The following ANKRD24 variants were observed in gnomAD, a reference collection of about 807,000 sequenced individuals.
ANKRD24 encodes the protein ankyrin repeat domain 24, also known as ankyrin repeat domain-containing protein 24.
ANKRD24 carries 109 observed loss-of-function variants against 127.8 expected under a neutral mutation model. The ratio of observed to expected loss-of-function variants is 0.85; its 90% CI spans 0.73 to 1.00. The LOEUF (loss-of-function observed/expected upper bound fraction) is 1.00. ANKRD24 is among the 50% of genes least tolerant of loss of function. The probability of loss-of-function intolerance (pLI) is 0.00; values close to 1 mark genes in which losing one functional copy is unlikely to be tolerated. For synonymous variants in ANKRD24, 743 were observed against 671.1 expected, an observed-to-expected ratio of 1.11 and a Z score of -1.66; for missense variants, 1,648 against 1,570.2, an observed-to-expected ratio of 1.05 and a Z score of -0.84.
chr19:4,210,405 A>C, intron 13 of ANKRD24, 33 bp downstream of exon 13: 1 of 1,364,628 alleles, frequency 7.3e-7, no homozygotes, highest in Non-Finnish European at 9.5e-7. Flanking sequence ...GGCGTGGGCC[A>C]GCCTGGGTGG....
At chr19:4,206,683 C>A (rs1427916922) in intron 7 of ANKRD24, among the ~76,000 whole-genome samples, 1 of 152,024 alleles carries the variant, frequency 6.6e-6, no homozygotes, top group East Asian at 1.9e-4. Context: ...AGACCTAGAT[C>A]CTAGATCTGA....
chr19:4,210,461 C>T lies in ANKRD24; in HGVS notation c.1059+89C>T, dbSNP rs770555944. On this transcript the variant is annotated intron_variant, in intron 13 of 21. Transcript: ENST00000318934. Reference sequence around the variant, plus strand: ...TCCCCCTACTTTTCTCCCACCTTCCCTCCTCCATCTCTCTCCCTCCCCACC... The same window carrying T: ...TCCCCCTACTTTTCTCCCACCTTCCTTCCTCCATCTCTCTCCCTCCCCACC... 4.2e-4 allele frequency: 494 copies of T among 1,187,078 alleles called. 1 individual carries two copies. Among genetic ancestry groups the T allele is most frequent in the Admixed American group, 4.0e-3 (147 of 36,950 alleles). 73.5% of individuals were successfully genotyped at this position (1,187,078 alleles called of 1,614,324 possible).
intron 11 of ANKRD24, chr19:4,209,019 C>A: frequency 3.3e-6 from 1 of 306,614 alleles, no homozygotes; most frequent in Non-Finnish European, 6.3e-6. Context: ...AATTATGGGG[C>A]TGGGGTGGGA....
chr19:4,213,376 T>C (rs565002226), intron 15 of ANKRD24, among the ~76,000 whole-genome samples: 11 of 145,814 alleles, frequency 7.5e-5, no homozygotes, highest in Admixed American at 1.4e-4. Context: ...TTTCTTCCTT[T>C]CCTTCTTCCT....
chr19:4,214,709 C>A (rs1471609657), intron 15 of ANKRD24, among the ~76,000 whole-genome samples: 1 of 152,030 alleles, frequency 6.6e-6, no homozygotes, highest in East Asian at 1.9e-4. Flanking sequence ...CAAAAATTAG[C>A]CGGGTGTGCT....
rs1425515976 is a variant in ANKRD24 at position 4,198,333 on chromosome 19, G to C, written c.37-1350G>C. The C allele has an allele frequency of 5.4e-6, 2 of 370,200 alleles. No homozygotes were observed. The highest frequency in any genetic ancestry group is 8.5e-5 in the East Asian group (2 of 23,608). The allele number at this position is 370,200 out of a possible 1,614,324, so 22.9% of individuals were successfully genotyped here. The stretch of plus-strand genomic sequence containing the variant: ...TGGCGAGGAGGGCAAGGGGGAGGGG[G>C]CGGCACCAGGGAGGGCGGGACCGGG... On this transcript the variant is annotated intron_variant, in intron 2 of 21. Transcript: ENST00000318934. The surrounding 1 kb of genome is among the most constrained non-coding windows in gnomAD (Gnocchi z 6.1).
rs1221022361 is a variant in ANKRD24, at chr19:4,219,548, G to T, written c.3004-43G>T. The T allele has an allele frequency of 3.9e-6, 6 of 1,556,894 alleles. No individual in the cohort carries two copies. In the African/African-American group the frequency reaches 8.2e-5, roughly 21 times the overall value. On this transcript the variant is annotated intron_variant, in intron 18 of 21. Transcript: ENST00000318934. ...TGAATTCTGGGGTCTAGCATCATTG[G>T]AGTCTTAGTGTCCTGAGAGTCATGC...
chr19:4,216,927 T>C lies in ANKRD24; in HGVS notation c.1767T>C (p.Ala589=), dbSNP rs61742134. 1.6e-4 allele frequency: 251 copies of C among 1,609,470 alleles called. No individual in the cohort carries two copies. The African/African-American group carries it at 2.4e-3, about 15-fold the overall frequency. ...AEATGAEATG[A]EATGAKVTET... ...CCACGGGAGCCGAGGCCACGGGAGC[T>C]GAGGCCACAGGAGCCAAGGTCACAG... The change falls in exon 18 of 22, where the codon GCT becomes GCC. Residue 589 remains alanine (A), a synonymous_variant. Coordinates refer to ENST00000318934, the MANE Select transcript of ANKRD24 (RefSeq NM_001393985.1).
In ANKRD24 at chr19:4,198,464, G is replaced by GCACC. The variant is rs1968894620; in HGVS notation, c.37-1218_37-1217insACCC. The GCACC allele has an allele frequency of 4.9e-6, 3 of 615,974 alleles. No individual in the cohort carries two copies. Among genetic ancestry groups the GCACC allele is most frequent in the Non-Finnish European group, 8.8e-6 (3 of 342,584 alleles). The allele number at this position is 615,974 out of a possible 1,614,324, so 38.2% of individuals were successfully genotyped here. On this transcript the variant is annotated intron_variant, in intron 2 of 21. Coordinates refer to ENST00000318934, the MANE Select transcript of ANKRD24 (RefSeq NM_001393985.1). This position sits in a 1 kb window ranked among gnomAD's most constrained non-coding sequence, Gnocchi z 6.1. ...CCGCCGCCTCCTCTTGGAACCCCGT[G>GCACC]CGCCCCCCGCGCCCCGCGCCCCGGA... is the stretch of plus-strand genomic sequence containing the variant.
At position 4,200,235 on chromosome 19, in the gene ANKRD24, C is replaced by A. The variant is rs373097214; in HGVS notation, c.343+64C>A. ...AGCCCAGGTGCCCAGCCTGAGGGTC[C>A]AGCCAGACCCTGCTCCCAGGTCTCA... On this transcript the variant is annotated intron_variant, in intron 5 of 21. Transcript: ENST00000318934. 13 of 1,463,810 alleles carry A rather than the reference C, an allele frequency of 8.9e-6. No individual in the cohort carries two copies. In the African/African-American group the frequency reaches 1.8e-4, roughly 21 times the overall value. 90.7% of individuals were successfully genotyped at this position (1,463,810 alleles called of 1,614,324 possible).
rs1334446847 is a variant in ANKRD24 at position 4,217,542 on chromosome 19, C to T, written c.2382C>T (p.Ala794=). 4 of 1,326,868 alleles carry T rather than the reference C, an allele frequency of 3.0e-6. No homozygotes were observed. Among genetic ancestry groups the T allele is most frequent in the Non-Finnish European group, 3.8e-6 (4 of 1,043,292 alleles). 82.2% of individuals were successfully genotyped at this position (1,326,868 alleles called of 1,614,324 possible). A position where few individuals can be genotyped will look rare whatever the true frequency, so the allele number is the denominator to read the frequency against. The part of the protein sequence containing the change: ...TTQLRAALEQ[A]REDLRDRDSR... ...AGCTGCGGGCGGCCCTGGAGCAGGC[C>T]CGGGAGGACCTCCGAGACCGGGACT... Residue 794 remains alanine, a synonymous_variant, in exon 18 of 22, where the codon GCC becomes GCT. Transcript: ENST00000318934.
At chr19:4,187,247 T>C (rs1968115235) in intron 2 of ANKRD24, among the ~76,000 whole-genome samples, 1 of 151,988 alleles carries the variant, frequency 6.6e-6, no homozygotes, top group Admixed American at 6.6e-5. Flanking sequence ...ACGTTGTCTC[T>C]ACTAAAAATA....
intron 2 of ANKRD24, among the ~76,000 whole-genome samples, chr19:4,196,407 G>A (rs900684107): frequency 2.2e-4 from 33 of 151,904 alleles, no homozygotes; most frequent in South Asian, 1.5e-3. Flanking sequence ...GTGGAGTCTC[G>A]CTCTGTCACC....
At position 4,216,663 on chromosome 19, in the gene ANKRD24, G is replaced by A; in HGVS notation, c.1503G>A (p.Arg501=). The change falls in exon 18 of 22, where the codon AGG becomes AGA. Residue 501 remains arginine, a synonymous_variant. Coordinates refer to ENST00000318934, the MANE Select transcript of ANKRD24 (RefSeq NM_001393985.1). ...GGGCCGAGTTTGACCAGCTACGCAGGCAGCACGCTGAGGCCCTGCAGGCCC... is the reference window on the plus strand; with the variant it reads ...GGGCCGAGTTTGACCAGCTACGCAGACAGCACGCTGAGGCCCTGCAGGCCC... The part of the protein sequence containing the change: ...SLRAEFDQLR[R]QHAEALQALR... The A allele has an allele frequency of 6.3e-7, 1 of 1,598,618 alleles. No individual in the cohort carries two copies. Among genetic ancestry groups the A allele is most frequent in the Non-Finnish European group, 8.5e-7 (1 of 1,172,826 alleles).
At chr19:4,189,507 C>A (rs1968262938) in intron 2 of ANKRD24, among the ~76,000 whole-genome samples, 1 of 151,280 alleles carries the variant, frequency 6.6e-6, no homozygotes, top group Admixed American at 6.6e-5. Context: ...CCACCTTGGC[C>A]TTCCAAAGGG....
At position 4,198,354 on chromosome 19, in the gene ANKRD24, C is replaced by G. The variant is rs1301617182; in HGVS notation, c.37-1329C>G. 9 of 137,210 alleles carry G rather than the reference C, an allele frequency of 6.6e-5. No individual in the cohort carries two copies. Among genetic ancestry groups the G allele is most frequent in the Non-Finnish European group, 1.3e-4 (9 of 68,790 alleles). 8.5% of individuals were successfully genotyped at this position (137,210 alleles called of 1,614,324 possible). On this transcript the variant is annotated intron_variant, in intron 2 of 21. Coordinates refer to ENST00000318934, the MANE Select transcript of ANKRD24 (RefSeq NM_001393985.1). The surrounding 1 kb of genome is among the most constrained non-coding windows in gnomAD (Gnocchi z 6.1). ...GGGGGCGGCACCAGGGAGGGCGGGA[C>G]CGGGCGGGCGGGCGGGGCGGGGAGC...
chr19:4,202,980 G>A (rs1470139287), intron 7 of ANKRD24, 54 bp downstream of exon 7: 1 of 1,472,174 alleles, frequency 6.8e-7, no homozygotes, highest in Admixed American at 2.3e-5. Context: ...TGCTAGACTT[G>A]GGGGTTATTC....
chr19:4,217,508 A>C lies in ANKRD24; in HGVS notation c.2348A>C (p.Asp783Ala). 7.2e-7 allele frequency: 1 copy of C among 1,394,026 alleles called. No homozygotes were observed. Among genetic ancestry groups the C allele is most frequent in the Non-Finnish European group, 9.3e-7 (1 of 1,080,380 alleles). 86.4% of individuals were successfully genotyped at this position (1,394,026 alleles called of 1,614,324 possible). A position where few individuals can be genotyped will look rare whatever the true frequency, so the allele number is the denominator to read the frequency against. ...GGGGCCAGCGGGGGCGGTGGCGGTG[A>C]CACCACACAGCTGCGGGCGGCCCTG... is the stretch of plus-strand genomic sequence containing the variant. ...GSGASGGGGG[D>A]TTQLRAALEQ... The change falls in exon 18 of 22, where the codon GAC (aspartate) becomes GCC (alanine). Residue 783 changes from aspartate to alanine, a missense_variant. Transcript: ENST00000318934.
At chr19:4,197,783 G>T (rs981826685) in intron 2 of ANKRD24, among the ~76,000 whole-genome samples, 2 of 151,504 alleles carry the variant, frequency 1.3e-5, no homozygotes, top group African/African-American at 4.9e-5. Flanking sequence ...ATGAACAAGC[G>T]AATGAATGAA....
Sources: allele counts gnomAD v4.1 joint callset (sites outside exome capture counted in the v4.1 genomes callset), GRCh38; gene constraint gnomAD v4.1.1; non-coding constraint Gnocchi (gnomAD v3.1); transcripts MANE v1.5; gene names NCBI Gene and HGNC (gene_info 2026-07-23, HGNC 2026-07-21).